Variants in GREB1L observed in about 807,000 individuals in gnomAD.
GREB1L encodes the protein GREB1-like protein.
Under a neutral mutation model 200.8 loss-of-function variants are expected in GREB1L, and 17 were observed. That is an observed-to-expected ratio of 0.08 (90% CI 0.06 to 0.13). The LOEUF is 0.13. Ranked by LOEUF, GREB1L falls within the 10% of genes least tolerant of loss-of-function variation. The pLI is 1.00. For synonymous variants in GREB1L, 789 were observed against 893.0 expected (o/e 0.88, Z 2.08); for missense variants, 1,657 against 2,367.7 (o/e 0.70, Z 6.23).
At chr18:21,329,918 C>T (rs1330769616) in intron 1 of GREB1L, among the ~76,000 whole-genome samples, 1 of 150,934 alleles carries the variant, frequency 6.6e-6, no homozygotes, top group African/African-American at 2.4e-5. Flanking sequence ...TGGAGTATAT[C>T]CTACATTCCA....
intron 15 of GREB1L, among the ~76,000 whole-genome samples, chr18:21,471,780 C>A (rs1428956692): frequency 6.6e-6 from 1 of 152,048 alleles, no homozygotes; most frequent in Admixed American, 6.6e-5. Context: ...GCCACCACAC[C>A]CAGCTAATGT....
At chr18:21,446,319 G>T (rs373158835) in intron 11 of GREB1L, among the ~76,000 whole-genome samples, 1 of 152,136 alleles carries the variant, frequency 6.6e-6, no homozygotes, top group African/African-American at 2.4e-5. Flanking sequence ...CACCACGCCC[G>T]GCCTCCTTTT....
Position 21,525,929 on chromosome 18 carries a change from A to G in GREB1L, c.*3108A>G, listed in dbSNP as rs1001512376. On this transcript the variant is annotated 3_prime_UTR_variant, in exon 33 of 33. Transcript: ENST00000424526. ...AAAGGACCCTCAGGAAGGGCAATAA[A>G]TATTTGTAAGTGTAATGACAGACTT... Among the ~76,000 whole-genome samples the G allele has an allele frequency of 2.0e-5, 3 of 152,208 alleles. No individual in the cohort carries two copies. Among genetic ancestry groups the G allele is most frequent in the African/African-American group, 7.2e-5 (3 of 41,434 alleles).
At chr18:21,356,417 A>T (rs1255105314) in intron 1 of GREB1L, among the ~76,000 whole-genome samples, 1 of 152,194 alleles carries the variant, frequency 6.6e-6, no homozygotes, top group African/African-American at 2.4e-5. Flanking sequence ...AATTGAGATT[A>T]TACAGTATTT....
intron 1 of GREB1L, among the ~76,000 whole-genome samples, chr18:21,310,901 A>C (rs2038779766): frequency 6.6e-6 from 1 of 152,240 alleles, no homozygotes; most frequent in East Asian, 1.9e-4. Context: ...GCTGTCTTGC[A>C]CAACGCACAC....
chr18:21,443,664 A>G (rs1384847212), intron 10 of GREB1L, among the ~76,000 whole-genome samples: 1 of 152,216 alleles, frequency 6.6e-6, no homozygotes, highest in Non-Finnish European at 1.5e-5. Flanking sequence ...TCCTTCCATG[A>G]GAAACAGAGA....
At chr18:21,376,685 G>C (rs1194924959) in intron 2 of GREB1L, among the ~76,000 whole-genome samples, 3 of 151,284 alleles carry the variant, frequency 2.0e-5, no homozygotes, top group Non-Finnish European at 4.4e-5. Flanking sequence ...GGCGCCTCTA[G>C]TCCCAGCTAC....
At chr18:21,463,297 C>T (rs2035133307) in intron 15 of GREB1L, among the ~76,000 whole-genome samples, 2 of 151,702 alleles carry the variant, frequency 1.3e-5, no homozygotes, top group Admixed American at 6.6e-5. Context: ...AAGCGCCCGC[C>T]ACCGCGCCTG....
intron 15 of GREB1L, among the ~76,000 whole-genome samples, chr18:21,467,439 A>G (rs569033166): frequency 1.3e-5 from 2 of 152,338 alleles, no homozygotes; most frequent in African/African-American, 4.8e-5. Context: ...GAAGGATCTG[A>G]ATAGGCATCT....
intron 7 of GREB1L, among the ~76,000 whole-genome samples, chr18:21,415,044 T>A (rs544912587): frequency 6.6e-6 from 1 of 152,008 alleles, no homozygotes; most frequent in African/African-American, 2.4e-5. Flanking sequence ...TTAAGTCAAG[T>A]AGAAGGAACT....
In GREB1L at chr18:21,450,845, CAG is replaced by C. The variant is rs1471253579; in HGVS notation, c.1721-176_1721-175del. The C allele has an allele frequency of 1.8e-5, 10 of 547,210 alleles. No individual in the cohort carries two copies. In the East Asian group the frequency reaches 2.7e-4, roughly 15 times the overall value. The allele number at this position is 547,210 out of a possible 1,614,324, so 33.9% of individuals were successfully genotyped here. A position where few individuals can be genotyped will look rare whatever the true frequency, so the allele number is the denominator to read the frequency against. ...AAACATTTCTGTTTCTGTCTAGAGTCAGAATTGATATTTCAAATGCTATATAA... is the reference window on the plus strand; with the variant it reads ...AAACATTTCTGTTTCTGTCTAGAGTCAATTGATATTTCAAATGCTATATAA... On this transcript the variant is annotated intron_variant, in intron 12 of 32. Transcript: ENST00000424526.
intron 15 of GREB1L, among the ~76,000 whole-genome samples, chr18:21,469,386 C>G (rs538686208): frequency 1.3e-5 from 2 of 152,288 alleles, no homozygotes; most frequent in African/African-American, 4.8e-5. Flanking sequence ...ATTGGAGGCG[C>G]CTTCAGGCAG....
chr18:21,266,564 C>G (rs1159276566), intron 1 of GREB1L, among the ~76,000 whole-genome samples: 1 of 152,186 alleles, frequency 6.6e-6, no homozygotes. Context: ...AAGAGTTCCA[C>G]TTTTAACTGC....
At chr18:21,313,926 CTGTT>C (rs1259535682) in intron 1 of GREB1L, among the ~76,000 whole-genome samples, 1 of 152,188 alleles carries the variant, frequency 6.6e-6, no homozygotes, top group Non-Finnish European at 1.5e-5. Context: ...TCTTTACTCA[CTGTT>C]TGTATGGGTT....
At chr18:21,463,929 C>T (rs1259755324) in intron 15 of GREB1L, among the ~76,000 whole-genome samples, 1 of 152,180 alleles carries the variant, frequency 6.6e-6, no homozygotes, top group Non-Finnish European at 1.5e-5. Flanking sequence ...TTGATTGGAG[C>T]ATGCCAAAAG....
chr18:21,499,940 G>A lies in GREB1L; in HGVS notation c.3603G>A (p.Pro1201=), dbSNP rs776986420. The A allele has an allele frequency of 1.4e-5, 21 of 1,550,272 alleles. No homozygotes were observed. The highest frequency in any genetic ancestry group is 2.4e-5 in the East Asian group (1 of 40,896). Reference sequence around the variant, plus strand: ...TGGCGAGCAGCACCACCTCCAAGCCGTCATCATCATCCTCAGGACCCAGGA... The same window carrying A: ...TGGCGAGCAGCACCACCTCCAAGCCATCATCATCATCCTCAGGACCCAGGA... The part of the protein sequence containing the change: ...PQMASSTTSK[P]SSSSSGPRTL... Residue 1201 remains proline, a synonymous_variant, in exon 22 of 33, where the codon CCG becomes CCA. Coordinates refer to ENST00000424526, the MANE Select transcript of GREB1L (RefSeq NM_001142966.3).
Position 21,523,020 on chromosome 18 carries a change from C to T in GREB1L, c.*199C>T. 2.0e-6 allele frequency: 1 copy of T among 511,648 alleles called. No homozygotes were observed. The highest frequency in any genetic ancestry group is 3.3e-5 in the South Asian group (1 of 30,008). The allele number at this position is 511,648 out of a possible 1,614,324, so 31.7% of individuals were successfully genotyped here. A position where few individuals can be genotyped will look rare whatever the true frequency, so the allele number is the denominator to read the frequency against. On this transcript the variant is annotated 3_prime_UTR_variant, in exon 33 of 33. Transcript: ENST00000424526. Reference sequence around the variant, plus strand: ...TTCCTTCAGTTCCAATTACAGGACCCTTAAATTCAGGTAAACTCTATCCTA... The same window carrying T: ...TTCCTTCAGTTCCAATTACAGGACCTTTAAATTCAGGTAAACTCTATCCTA...
At chr18:21,466,639 AT>A (rs1399649975) in intron 15 of GREB1L, among the ~76,000 whole-genome samples, 1 of 152,120 alleles carries the variant, frequency 6.6e-6, no homozygotes, top group African/African-American at 2.4e-5. Flanking sequence ...TATTTATAAA[AT>A]TGAAGATATA....
intron 7 of GREB1L, among the ~76,000 whole-genome samples, chr18:21,434,539 ATGTGTATATATATG>A (rs1168485564): frequency 6.0e-4 from 79 of 132,358 alleles, no homozygotes; most frequent in East Asian, 3.7e-3. Context: ...GTGTATATAT[ATGTGTATATATATG>A]TGTGTATATA....
Sources: allele counts gnomAD v4.1 joint callset (sites outside exome capture counted in the v4.1 genomes callset), GRCh38; gene constraint gnomAD v4.1.1; transcripts MANE v1.5; gene names NCBI Gene and HGNC (gene_info 2026-07-23, HGNC 2026-07-21).